The following PCDH15 variants were observed in gnomAD, a reference collection of about 807,000 sequenced individuals.
The protein encoded by PCDH15 is protocadherin-15.
Under a neutral mutation model 178.5 loss-of-function variants are expected in PCDH15, and 129 were observed. That is an observed-to-expected ratio of 0.72 (90% CI 0.63 to 0.84). PCDH15 has a LOEUF of 0.84. PCDH15 is among the 40% of genes least tolerant of loss of function. PCDH15 has a pLI of 0.00. For synonymous variants in PCDH15, 800 were observed against 732.0 expected (o/e 1.09, Z -1.50); for missense variants, 2,230 against 2,099.9 (o/e 1.06, Z -1.21).
At chr10:53,986,335 A>G (rs371857164) in intron 21 of PCDH15, among the ~76,000 whole-genome samples, 4 of 152,220 alleles carry the variant, frequency 2.6e-5, no homozygotes, top group East Asian at 3.9e-4. Flanking sequence ...AGTTAGCAAG[A>G]ATGTGAAGAA....
chr10:55,075,023 G>A (rs943350608), intron 2 of PCDH15, among the ~76,000 whole-genome samples: 5 of 152,102 alleles, frequency 3.3e-5, no homozygotes, highest in East Asian at 1.9e-4. Context: ...ATCAGATGAC[G>A]TAGATGTGCG....
At chr10:54,033,062 G>A (rs2093337223) in intron 18 of PCDH15, among the ~76,000 whole-genome samples, 1 of 151,766 alleles carries the variant, frequency 6.6e-6, no homozygotes, top group Non-Finnish European at 1.5e-5. Context: ...TCAACACATG[G>A]GGATTACAAA....
At chr10:55,506,440 G>A (rs1484351649) in intron 2 of PCDH15, among the ~76,000 whole-genome samples, 3 of 151,394 alleles carry the variant, frequency 2.0e-5, no homozygotes, top group African/African-American at 7.3e-5. Flanking sequence ...TGTGTGTGTG[G>A]GAACTCTGTC....
intron 8 of PCDH15, among the ~76,000 whole-genome samples, 179 bp from the exon 9 acceptor site, chr10:54,237,110 T>C (rs1289964291): frequency 6.6e-6 from 1 of 152,150 alleles, no homozygotes; most frequent in African/African-American, 2.4e-5. Context: ...GAGCAAAGTA[T>C]TCTCAAAGTC....
intron 1 of PCDH15, among the ~76,000 whole-genome samples, chr10:55,198,390 T>G (rs1840151511): frequency 6.6e-6 from 1 of 152,126 alleles, no homozygotes; most frequent in South Asian, 2.1e-4. Context: ...TGACAGTAAA[T>G]GAATTCTTAT....
chr10:55,445,551 T>C (rs1839297117), intron 2 of PCDH15, among the ~76,000 whole-genome samples: 1 of 152,144 alleles, frequency 6.6e-6, no homozygotes. Context: ...GAAAAATACA[T>C]ATGCTACAAA....
intron 21 of PCDH15, among the ~76,000 whole-genome samples, chr10:53,966,383 C>T (rs535836550): frequency 6.6e-6 from 1 of 152,178 alleles, no homozygotes; most frequent in South Asian, 2.1e-4. Flanking sequence ...CTCTCTCTGT[C>T]CTTTCCTAAA....
chr10:54,621,982 C>T (rs550287278), intron 2 of PCDH15, among the ~76,000 whole-genome samples: 9 of 151,894 alleles, frequency 5.9e-5, no homozygotes, highest in Non-Finnish European at 1.2e-4. Flanking sequence ...CATTTTTAAA[C>T]TTTGAGTTAG....
At chr10:55,552,076 T>C (rs1250298707) in intron 2 of PCDH15, among the ~76,000 whole-genome samples, 15 of 151,788 alleles carry the variant, frequency 9.9e-5, no homozygotes, top group Admixed American at 9.9e-4. Flanking sequence ...AATTTATTTA[T>C]TGCTTTCTTA....
chr10:55,318,992 G>C (rs942042304), intron 1 of PCDH15, among the ~76,000 whole-genome samples: 5 of 151,978 alleles, frequency 3.3e-5, no homozygotes, highest in Admixed American at 3.3e-4. Context: ...AATCTTATTT[G>C]TAGTAGTTTG....
chr10:54,727,255 G>C (rs919157443), intron 1 of PCDH15, among the ~76,000 whole-genome samples: 1 of 150,916 alleles, frequency 6.6e-6, no homozygotes, highest in African/African-American at 2.4e-5. Context: ...CAACCACATT[G>C]AGACCACAGC....
intron 3 of PCDH15, among the ~76,000 whole-genome samples, chr10:54,873,611 G>A (rs1279194152): frequency 1.4e-5 from 2 of 143,248 alleles, no homozygotes; most frequent in Non-Finnish European, 3.0e-5. Flanking sequence ...GCTTCTACAA[G>A]GTGTGTAATC....
intron 2 of PCDH15, among the ~76,000 whole-genome samples, chr10:55,472,235 A>T (rs1048800001): frequency 6.6e-6 from 1 of 152,192 alleles, no homozygotes; most frequent in Admixed American, 6.5e-5. Context: ...TAAGGCATGT[A>T]TCTATTAAAT....
At chr10:54,707,211 G>A (rs912697880) in intron 1 of PCDH15, among the ~76,000 whole-genome samples, 4 of 152,124 alleles carry the variant, frequency 2.6e-5, no homozygotes, top group Non-Finnish European at 5.9e-5. Flanking sequence ...AGAAGGGTCA[G>A]AGAAATTAAG....
At chr10:55,510,887 G>A (rs2132151397) in intron 2 of PCDH15, among the ~76,000 whole-genome samples, 1 of 150,258 alleles carries the variant, frequency 6.7e-6, no homozygotes, top group Non-Finnish European at 1.5e-5. Context: ...CTTGAGATAG[G>A]ATCTTACTCT....
chr10:54,601,971 T>C (rs2092557353), intron 2 of PCDH15, among the ~76,000 whole-genome samples: 1 of 151,616 alleles, frequency 6.6e-6, no homozygotes, highest in Non-Finnish European at 1.5e-5. Context: ...AACCAGACAG[T>C]GAGGCCAACC....
intron 18 of PCDH15, among the ~76,000 whole-genome samples, chr10:54,058,206 T>A (rs2093939003): frequency 6.6e-6 from 1 of 152,152 alleles, no homozygotes; most frequent in Admixed American, 6.5e-5. Context: ...CTTCCATATT[T>A]TTGGGTCTCT....
intron 2 of PCDH15, among the ~76,000 whole-genome samples, chr10:55,506,990 T>C (rs931747551): frequency 6.6e-6 from 1 of 151,592 alleles, no homozygotes; most frequent in African/African-American, 2.4e-5. Flanking sequence ...GGAATATTTG[T>C]TAAATTAAGA....
At chr10:54,729,423 A>G (rs576807808) in intron 1 of PCDH15, among the ~76,000 whole-genome samples, 4 of 151,756 alleles carry the variant, frequency 2.6e-5, no homozygotes, top group Admixed American at 6.6e-5. Flanking sequence ...TGGATTTAAG[A>G]CTTAAATGAA....
Sources: gnomAD v4.1 joint callset for allele counts (sites outside exome capture counted in the v4.1 genomes callset) on GRCh38, gnomAD v4.1.1 for gene constraint, MANE v1.5 for transcripts, NCBI Gene and HGNC (gene_info 2026-07-23, HGNC 2026-07-21) for gene names.